HPN: variants seen among roughly 807,000 people sequenced by gnomAD.
The protein encoded by HPN is serine protease hepsin.
Under a neutral mutation model 55.9 loss-of-function variants are expected in HPN, and 13 were observed. That is an observed-to-expected ratio of 0.23 (90% CI 0.15 to 0.37). HPN has a LOEUF of 0.37. Among genes scored for constraint, HPN ranks in the 10% least tolerant of loss-of-function variants. HPN has a pLI of 1.00. For synonymous variants in HPN, 225 were observed against 240.3 expected, an observed-to-expected ratio of 0.94 and a Z score of 0.59; for missense variants, 451 against 575.8, an observed-to-expected ratio of 0.78 and a Z score of 2.22.
rs947282228 is a variant in HPN, at chr19:35,059,711, G to T, written c.199G>T (p.Asp67Tyr). Residue 67 changes from aspartate to tyrosine, a missense_variant, in exon 5 of 13, where the codon GAC (aspartate) becomes TAC (tyrosine). Asp to Tyr is a radical substitution (Grantham distance 160). Transcript: ENST00000672452. ...SSADARLMVFDKTEGTWRLLC... is the reference protein window; with the variant it reads ...SSADARLMVFYKTEGTWRLLC... ...TGCGGACGCTCGGCTCATGGTCTTTGACAAGACGGAAGGGACGTGGCGGCT... is the reference window on the plus strand; with the variant it reads ...TGCGGACGCTCGGCTCATGGTCTTTTACAAGACGGAAGGGACGTGGCGGCT... The T allele has an allele frequency of 3.7e-6, 6 of 1,600,702 alleles. No homozygotes were observed. Among genetic ancestry groups the T allele is most frequent in the Non-Finnish European group, 5.1e-6 (6 of 1,174,444 alleles).
chr19:35,064,278 T>C (rs1212914496), intron 9 of HPN, among the ~76,000 whole-genome samples: 4 of 152,092 alleles, frequency 2.6e-5, no homozygotes, highest in African/African-American at 9.7e-5. Context: ...ATTATTATGA[T>C]TTTCTGCTAG....
chr19:35,065,722 C>A, intron 11 of HPN, 41 bp downstream of exon 11: 1 of 1,611,768 alleles, frequency 6.2e-7, no homozygotes, highest in Non-Finnish European at 8.5e-7. Context: ...TCGCTGCCAC[C>A]CCAGGGATGG....
At chr19:35,043,248 G>A (rs1427510561) in intron 2 of HPN, among the ~76,000 whole-genome samples, 1 of 151,998 alleles carries the variant, frequency 6.6e-6, no homozygotes, top group African/African-American at 2.4e-5. Flanking sequence ...ATGAGAGAGA[G>A]AGACTGCGTC....
intron 4 of HPN, among the ~76,000 whole-genome samples, chr19:35,050,914 C>CTTTTTTTTTTT (rs5827917): frequency 9.5e-4 from 86 of 90,398 alleles, no homozygotes; most frequent in East Asian, 2.4e-3. Flanking sequence ...TTCTTTCTTT[C>CTTTTTTTTTTT]TTTTTTTTTT....
At chr19:35,050,266 G>T (rs769735943) in intron 4 of HPN, among the ~76,000 whole-genome samples, 4 of 152,206 alleles carry the variant, frequency 2.6e-5, no homozygotes, top group Non-Finnish European at 5.9e-5. Flanking sequence ...GGGAATACAG[G>T]CGTGTGCCAC....
intron 6 of HPN, 23 bp from the exon 7 acceptor site, chr19:35,060,106 G>C (rs761154899): frequency 1.2e-6 from 2 of 1,614,096 alleles, no homozygotes; most frequent in African/African-American, 2.7e-5. Context: ...TTCTTTCTGT[G>C]TCTCCAATCC....
At chr19:35,056,811 A>C (rs181136608) in intron 4 of HPN, among the ~76,000 whole-genome samples, 2 of 152,260 alleles carry the variant, frequency 1.3e-5, no homozygotes, top group Admixed American at 1.3e-4. Context: ...GAATGAATGA[A>C]TACTCCATCC....
chr19:35,062,545 A>G (rs2445818), intron 9 of HPN, among the ~76,000 whole-genome samples: 128,840 of 152,072 alleles, frequency 0.85, 55,784 homozygotes, highest in Non-Finnish European at 0.93. Flanking sequence ...TCTCCAACAC[A>G]TACATCTTCC....
At chr19:35,063,811 T>A (rs2151769259) in intron 9 of HPN, among the ~76,000 whole-genome samples, 1 of 152,310 alleles carries the variant, frequency 6.6e-6, no homozygotes. Context: ...GGGGTCAGAT[T>A]CAGATATTTG....
chr19:35,065,473 G>A (rs2151771570), intron 10 of HPN, 66 bp from the exon 11 acceptor site: 3 of 1,585,498 alleles, frequency 1.9e-6, no homozygotes. Context: ...AATGGGGTGG[G>A]CACCAGGAGG....
At chr19:35,041,901 T>C in intron 1 of HPN, 29 bp downstream of exon 1, 1 of 1,321,626 alleles carries the variant, frequency 7.6e-7, no homozygotes, top group Non-Finnish European at 9.9e-7. Flanking sequence ...AGACTCACAG[T>C]TCCAGCCCTG....
At position 35,061,542 on chromosome 19, in the gene HPN, C is replaced by T. The variant is rs192369080; in HGVS notation, c.811+725C>T. ...CCGGGAGGTGGAGATTGCAGTGAGCCGAGATCACACCACTGCACTCCAGCC... is the reference window on the plus strand; with the variant it reads ...CCGGGAGGTGGAGATTGCAGTGAGCTGAGATCACACCACTGCACTCCAGCC... On this transcript the variant is annotated intron_variant, in intron 9 of 12. Coordinates refer to ENST00000672452, the MANE Select transcript of HPN (RefSeq NM_001384133.1). 4.9e-3 allele frequency among the ~76,000 whole-genome samples: 744 copies of T among 151,412 alleles called. 1 individual carries two copies. The highest frequency in any genetic ancestry group is 6.8e-3 in the Middle Eastern group (2 of 294).
At chr19:35,050,200 G>A (rs62123963) in intron 4 of HPN, among the ~76,000 whole-genome samples, 13,234 of 152,192 alleles carry the variant, frequency 0.087, 669 homozygotes, top group South Asian at 0.13. Flanking sequence ...TCAGCTCACC[G>A]CAACCTCTGC....
intron 4 of HPN, among the ~76,000 whole-genome samples, chr19:35,058,051 G>A (rs2064475074): frequency 6.6e-6 from 1 of 151,874 alleles, no homozygotes; most frequent in African/African-American, 2.4e-5. Context: ...CACTCGGGAG[G>A]CTGAGGCAGA....
rs887436887 is a variant in HPN at position 35,066,382 on chromosome 19, C to T, written c.*95C>T. The T allele has an allele frequency of 1.9e-5, 28 of 1,499,360 alleles. No individual in the cohort carries two copies. Among genetic ancestry groups the T allele is most frequent in the East Asian group, 2.5e-5 (1 of 40,520 alleles). 92.9% of individuals were successfully genotyped at this position (1,499,360 alleles called of 1,614,324 possible). ...AGGATGGGACGTTTTTCTTCTTGGGCCCGGTCCACAGGTCCAAGGACACCC... is the reference window on the plus strand; with the variant it reads ...AGGATGGGACGTTTTTCTTCTTGGGTCCGGTCCACAGGTCCAAGGACACCC... On this transcript the variant is annotated 3_prime_UTR_variant, in exon 13 of 13. Transcript: ENST00000672452.
intron 4 of HPN, among the ~76,000 whole-genome samples, chr19:35,052,425 G>T (rs2151759130): frequency 6.6e-6 from 1 of 151,814 alleles, no homozygotes; most frequent in South Asian, 2.1e-4. Context: ...CTACTCAGGA[G>T]GCTGAGGCAG....
chr19:35,065,484 G>C (rs2064595700), intron 10 of HPN, 55 bp from the exon 11 acceptor site: 1 of 1,598,732 alleles, frequency 6.3e-7, no homozygotes. Flanking sequence ...CACCAGGAGG[G>C]AAGGGGGGTG....
chr19:35,050,435 C>T, intron 4 of HPN: 1 of 1,158,572 alleles, frequency 8.6e-7, no homozygotes, highest in Non-Finnish European at 1.1e-6. Context: ...GTAATTAGCT[C>T]CATTTTACAG....
chr19:35,042,497 A>G lies in HPN; in HGVS notation c.-10A>G. The G allele has an allele frequency of 6.2e-7, 1 of 1,609,152 alleles. No homozygotes were observed. Among genetic ancestry groups the G allele is most frequent in the Non-Finnish European group, 8.5e-7 (1 of 1,178,070 alleles). ...GGTCAGCCAGGGAATCATTAACAAG[A>G]GGCAGTGACATGGCGCAGAAGGAGG... On this transcript the variant is annotated 5_prime_UTR_variant, in exon 2 of 13. Transcript: ENST00000672452.
Sources: allele counts gnomAD v4.1 joint callset (sites outside exome capture counted in the v4.1 genomes callset), GRCh38; gene constraint gnomAD v4.1.1; transcripts MANE v1.5; gene names NCBI Gene and HGNC (gene_info 2026-07-23, HGNC 2026-07-21).